The following FGF14 variants were observed in gnomAD, a reference collection of about 807,000 sequenced individuals.
The protein encoded by FGF14 is fibroblast growth factor 14, also known as fibroblast growth factor homologous factor 4.
In FGF14, 5 loss-of-function variants were observed where a neutral mutation model predicts 25.5. That is an observed-to-expected ratio of 0.20 (90% confidence interval 0.10 to 0.41). The LOEUF (loss-of-function observed/expected upper bound fraction) is 0.41. Ranked by LOEUF, FGF14 falls within the 10% of genes least tolerant of loss-of-function variation. The pLI is 1.00. For synonymous variants in FGF14, 138 were observed against 118.3 expected, an observed-to-expected ratio of 1.17 and a Z score of -1.08; for missense variants, 222 against 320.1, an observed-to-expected ratio of 0.69 and a Z score of 2.34.
At chr13:101,744,977 T>C (rs977281404) in intron 3 of FGF14, among the ~76,000 whole-genome samples, 1 of 152,000 alleles carries the variant, frequency 6.6e-6, no homozygotes, top group African/African-American at 2.4e-5. Flanking sequence ...GTTTGAACAC[T>C]AGTATGTGGT....
intron 1 of FGF14, among the ~76,000 whole-genome samples, chr13:102,092,724 T>G (rs2044221175): frequency 6.6e-6 from 1 of 152,174 alleles, no homozygotes. Flanking sequence ...CATATTATAA[T>G]ACATAAATGC....
At chr13:102,071,021 G>T (rs532073361) in intron 1 of FGF14, among the ~76,000 whole-genome samples, 2 of 152,056 alleles carry the variant, frequency 1.3e-5, no homozygotes, top group South Asian at 4.1e-4. Context: ...TCATCTGAGG[G>T]AACAGGCTGC....
rs150024959 is a variant in FGF14, at chr13:101,927,218, C to T, written c.209-51922G>A. Among the ~76,000 whole-genome samples, 370 of 152,272 alleles carry T rather than the reference C, an allele frequency of 2.4e-3. 4 individuals carry two copies. Among genetic ancestry groups the T allele is most frequent in the African/African-American group, 8.4e-3 (350 of 41,556 alleles). ...TTTGGCTGTGAGTCAGGAATAGCGG[C>T]CATTGCACTTGACAGGTTTTGTTTT... On this transcript the variant is annotated intron_variant, in intron 1 of 4. Transcript: ENST00000376131.
intron 1 of FGF14, among the ~76,000 whole-genome samples, chr13:101,991,887 A>C (rs556048176): frequency 6.6e-6 from 1 of 152,240 alleles, no homozygotes; most frequent in South Asian, 2.1e-4. Flanking sequence ...TGTTTCCTTC[A>C]CGCAGGGAGA....
At chr13:101,766,625 A>G (rs2038412411) in intron 3 of FGF14, among the ~76,000 whole-genome samples, 1 of 152,150 alleles carries the variant, frequency 6.6e-6, no homozygotes. Flanking sequence ...GTCCTCCAAA[A>G]ATCCATGTCT....
chr13:102,062,073 T>C (rs549574342), intron 1 of FGF14, among the ~76,000 whole-genome samples: 14 of 152,262 alleles, frequency 9.2e-5, no homozygotes, highest in Non-Finnish European at 1.9e-4. Context: ...TATTTAGCAA[T>C]AGGCAATTGG....
chr13:101,786,722 C>A (rs895461323), intron 3 of FGF14, among the ~76,000 whole-genome samples: 1 of 152,100 alleles, frequency 6.6e-6, no homozygotes, highest in Non-Finnish European at 1.5e-5. Context: ...GGTTAGGACT[C>A]CAACATACCC....
chr13:102,044,470 C>T (rs1473878161), intron 1 of FGF14, among the ~76,000 whole-genome samples: 2 of 151,752 alleles, frequency 1.3e-5, no homozygotes, highest in African/African-American at 4.8e-5. Flanking sequence ...AATGGGCATC[C>T]TAGGGCAACT....
At chr13:101,890,201 C>A (rs921427870) in intron 1 of FGF14, among the ~76,000 whole-genome samples, 2 of 152,146 alleles carry the variant, frequency 1.3e-5, no homozygotes, top group Admixed American at 1.3e-4. Flanking sequence ...TAGATAGGAA[C>A]AACTGCTTTT....
At chr13:102,207,811 G>C (rs961911282) in intron 1 of FGF14, among the ~76,000 whole-genome samples, 1 of 152,058 alleles carries the variant, frequency 6.6e-6, no homozygotes, top group African/African-American at 2.4e-5. Flanking sequence ...AGTTCAAAAA[G>C]GTTAAATGAT....
chr13:102,035,445 T>G (rs2041423618), intron 1 of FGF14, among the ~76,000 whole-genome samples: 1 of 152,124 alleles, frequency 6.6e-6, no homozygotes, highest in African/African-American at 2.4e-5. Context: ...ACTAATTAGC[T>G]ACTTGCTCTT....
At chr13:102,020,224 G>A (rs937801983) in intron 1 of FGF14, among the ~76,000 whole-genome samples, 2 of 152,018 alleles carry the variant, frequency 1.3e-5, no homozygotes, top group African/African-American at 4.8e-5. Context: ...TATAGGTTCA[G>A]TAGTGAAAAG....
At chr13:102,020,399 T>G (rs1351819524) in intron 1 of FGF14, among the ~76,000 whole-genome samples, 2 of 151,736 alleles carry the variant, frequency 1.3e-5, no homozygotes, top group Non-Finnish European at 2.9e-5. Context: ...AAATACAAAA[T>G]TAGCCAGGCG....
At chr13:102,031,977 T>C (rs1020954670) in intron 1 of FGF14, among the ~76,000 whole-genome samples, 1 of 152,148 alleles carries the variant, frequency 6.6e-6, no homozygotes, top group Non-Finnish European at 1.5e-5. Context: ...AATCTGTTCA[T>C]TAGCCTCCTG....
chr13:102,048,891 T>C (rs1313160512), intron 1 of FGF14, among the ~76,000 whole-genome samples: 1 of 152,196 alleles, frequency 6.6e-6, no homozygotes, highest in Non-Finnish European at 1.5e-5. Context: ...CCAACTCTAA[T>C]TCCTCAGATA....
At position 101,722,613 on chromosome 13, in the gene FGF14, A is replaced by G; in HGVS notation, c.*218T>C. On this transcript the variant is annotated 3_prime_UTR_variant, in exon 5 of 5. Transcript: ENST00000376143. ...CATTCCATATCTGGTAGGGCATTCC[A>G]TGGTCTGAGTTTAGCTGGTTATCCA... The G allele has an allele frequency of 1.7e-6, 1 of 602,820 alleles. No individual in the cohort carries two copies. The highest frequency in any genetic ancestry group is 2.9e-6 in the Non-Finnish European group (1 of 339,566). The allele number at this position is 602,820 out of a possible 1,614,324, so 37.3% of individuals were successfully genotyped here. A position where few individuals can be genotyped will look rare whatever the true frequency, so the allele number is the denominator to read the frequency against.
rs917682626 is a variant in FGF14, at chr13:101,711,775, G to C, written c.*11056C>G. 4 of 152,214 alleles carry C rather than the reference G, an allele frequency of 2.6e-5. No homozygotes were observed. The highest frequency in any genetic ancestry group is 9.7e-5 in the African/African-American group (4 of 41,444). The allele number at this position is 152,214 out of a possible 1,614,324, so 9.4% of individuals were successfully genotyped here. A position where few individuals can be genotyped will look rare whatever the true frequency, so the allele number is the denominator to read the frequency against. On this transcript the variant is annotated 3_prime_UTR_variant, in exon 5 of 5. Transcript: ENST00000376143. The stretch of plus-strand genomic sequence containing the variant: ...GCTGATTCCCCAGGGATGGAAGCCA[G>C]CAAAAATGCACAGAAGGGAGATGGG...
upstream of FGF14, among the ~76,000 whole-genome samples, chr13:101,919,630 G>A (rs575952780): frequency 4.8e-4 from 73 of 151,986 alleles, no homozygotes; most frequent in Middle Eastern, 3.4e-3. Context: ...CAGCACCGCG[G>A]ACAGGGATCC....
At chr13:102,162,277 A>G (rs1193775799) in intron 1 of FGF14, among the ~76,000 whole-genome samples, 2 of 152,190 alleles carry the variant, frequency 1.3e-5, no homozygotes, top group Non-Finnish European at 2.9e-5. Flanking sequence ...GTAATAAATT[A>G]TAAGAATGGA....
Sources: gnomAD v4.1 joint callset for allele counts (sites outside exome capture counted in the v4.1 genomes callset) on GRCh38, gnomAD v4.1.1 for gene constraint, MANE v1.5 for transcripts, NCBI Gene and HGNC (gene_info 2026-07-23, HGNC 2026-07-21) for gene names.